Variants in LRCH1 observed in about 807,000 individuals in gnomAD.
The protein encoded by LRCH1 is leucine rich repeats and calponin homology domain containing 1, also known as leucine-rich repeat and calponin homology domain-containing protein 1.
In LRCH1, 23 loss-of-function variants were observed where a neutral mutation model predicts 94.9. The ratio of observed to expected loss-of-function variants is 0.24; its 90% CI spans 0.17 to 0.34. LRCH1 has a LOEUF of 0.34. Ranked by LOEUF, LRCH1 falls within the 10% of genes least tolerant of loss-of-function variation. LRCH1 has a pLI of 1.00. For missense variants in LRCH1, 790 were observed against 945.9 expected (o/e 0.84, Z 2.16); for synonymous variants, 364 against 354.9 (o/e 1.03, Z -0.29).
At position 46,642,042 on chromosome 13, in the gene LRCH1, C is replaced by T. The variant is rs577506679; in HGVS notation, c.308-8159C>T. ...ATAGAGCTGTGGTGGCCCAGCTCCA[C>T]GCTGCAGAGCCAGACCTAGGCTGGG... is the stretch of plus-strand genomic sequence containing the variant. On this transcript the variant is annotated intron_variant, in intron 1 of 19. Transcript: ENST00000389797. Among the ~76,000 whole-genome samples the T allele has an allele frequency of 6.6e-5, 10 of 152,324 alleles. 1 individual carries two copies. In the South Asian group the frequency reaches 2.1e-3, roughly 32 times the overall value.
At chr13:46,650,492 C>A (rs1258527043) in intron 2 of LRCH1, 147 bp downstream of exon 2, 1 of 611,774 alleles carries the variant, frequency 1.6e-6, no homozygotes, top group African/African-American at 1.9e-5. Context: ...AATAACTTTT[C>A]TAATAAATTT....
intron 1 of LRCH1, among the ~76,000 whole-genome samples, chr13:46,615,908 G>C (rs2050802484): frequency 6.6e-6 from 1 of 152,182 alleles, no homozygotes; most frequent in Admixed American, 6.5e-5. Flanking sequence ...ATGTCGTGTA[G>C]GCCCTTGTCC....
chr13:46,702,300 G>A (rs1389222476), intron 11 of LRCH1, among the ~76,000 whole-genome samples: 3 of 152,256 alleles, frequency 2.0e-5, no homozygotes, highest in African/African-American at 4.8e-5. Context: ...CCAGGAGTTC[G>A]AGACCAGCCT....
exon 19 of LRCH1, chr13:46,750,728 C>A (rs539506271): frequency 3.2e-6 from 3 of 940,226 alleles, no homozygotes; most frequent in African/African-American, 1.7e-5. Flanking sequence ...ACCTGTTCAA[C>A]CCTCTCTCCC....
intron 1 of LRCH1, among the ~76,000 whole-genome samples, chr13:46,584,809 C>T (rs998371719): frequency 2.5e-4 from 38 of 152,168 alleles, no homozygotes; most frequent in Admixed American, 2.2e-3. Context: ...CACATGCAAT[C>T]GATTAATAAT....
intron 1 of LRCH1, among the ~76,000 whole-genome samples, chr13:46,588,261 G>A (rs1299601018): frequency 2.0e-5 from 3 of 152,166 alleles, no homozygotes; most frequent in African/African-American, 7.2e-5. Flanking sequence ...ATAGATTATA[G>A]TAGAAAACCC....
At chr13:46,735,204 A>G (rs1044080983) in intron 19 of LRCH1, among the ~76,000 whole-genome samples, 5 of 152,248 alleles carry the variant, frequency 3.3e-5, no homozygotes, top group Admixed American at 2.0e-4. Flanking sequence ...GCTTTCAGCA[A>G]TGTTATAATC....
At chr13:46,749,239 C>T (rs909437784), downstream of LRCH1, among the ~76,000 whole-genome samples, 2 of 152,194 alleles carry the variant, frequency 1.3e-5, no homozygotes, top group Non-Finnish European at 2.9e-5. Flanking sequence ...TTTGCAACAA[C>T]ATGGATGAAC....
At chr13:46,718,406 A>C (rs557988264) in intron 16 of LRCH1, among the ~76,000 whole-genome samples, 25 of 152,330 alleles carry the variant, frequency 1.6e-4, no homozygotes, top group Non-Finnish European at 3.1e-4. Context: ...AGTGGCTCTT[A>C]ACTCTGGTTT....
chr13:46,553,243 ATT>A lies in LRCH1; in HGVS notation c.-153_-152del. On this transcript the variant is annotated 5_prime_UTR_variant, in exon 1 of 20. Transcript: ENST00000389797. ...ACGGCCGCCTCCCCGCCCGCCCCCC[ATT>A]CTACGCGCCTGCCCACACCCTCCTC... 1 of 198,596 alleles carries A rather than the reference ATT, an allele frequency of 5.0e-6. No homozygotes were observed. The highest frequency in any genetic ancestry group is 1.3e-4 in the East Asian group (1 of 7,942). 12.3% of individuals were successfully genotyped at this position (198,596 alleles called of 1,614,324 possible). A position where few individuals can be genotyped will look rare whatever the true frequency, so the allele number is the denominator to read the frequency against.
At chr13:46,618,890 T>A (rs1225101950) in intron 1 of LRCH1, among the ~76,000 whole-genome samples, 1 of 152,306 alleles carries the variant, frequency 6.6e-6, no homozygotes, top group Non-Finnish European at 1.5e-5. Context: ...CAGTTGTGTT[T>A]TCCCCATGTG....
intron 1 of LRCH1, among the ~76,000 whole-genome samples, chr13:46,580,179 TA>T (rs1156550961): frequency 1.2e-4 from 19 of 152,234 alleles, no homozygotes; most frequent in Admixed American, 1.2e-3. Flanking sequence ...GATAATAAGC[TA>T]GCTCTGAGAA....
At chr13:46,573,866 A>ATATATTTTT in intron 1 of LRCH1, among the ~76,000 whole-genome samples, 1 of 63,392 alleles carries the variant, frequency 1.6e-5, no homozygotes, top group African/African-American at 5.2e-5. Flanking sequence ...ATATATATAT[A>ATATATTTTT]TTTTTTTTTT....
At chr13:46,562,113 T>C (rs1311859177) in intron 1 of LRCH1, among the ~76,000 whole-genome samples, 1 of 152,232 alleles carries the variant, frequency 6.6e-6, no homozygotes, top group Admixed American at 6.5e-5. Context: ...ACTTGGTCTC[T>C]GCATTTTTCA....
At chr13:46,729,550 C>CAAAAA (rs61033499) in intron 18 of LRCH1, among the ~76,000 whole-genome samples, 3 of 89,112 alleles carry the variant, frequency 3.4e-5, no homozygotes, top group African/African-American at 4.2e-5. Flanking sequence ...GACCCTGTCT[C>CAAAAA]AAAAAAAAAA....
At chr13:46,704,105 A>G (rs1871628872) in intron 11 of LRCH1, among the ~76,000 whole-genome samples, 1 of 152,126 alleles carries the variant, frequency 6.6e-6, no homozygotes, top group Non-Finnish European at 1.5e-5. Context: ...TTATCCTGAA[A>G]TAACTATTAT....
intron 2 of LRCH1, among the ~76,000 whole-genome samples, chr13:46,651,239 A>G (rs992496665): frequency 7.2e-5 from 11 of 152,252 alleles, no homozygotes; most frequent in African/African-American, 2.7e-4. Context: ...AATAACAGAT[A>G]TACCCAACAT....
intron 1 of LRCH1, among the ~76,000 whole-genome samples, chr13:46,621,565 T>A (rs1320209859): frequency 6.6e-6 from 1 of 152,188 alleles, no homozygotes; most frequent in Admixed American, 6.5e-5. Context: ...AGGCATTAGT[T>A]GGAAAGCTTT....
intron 2 of LRCH1, among the ~76,000 whole-genome samples, chr13:46,654,083 A>G (rs763815049): frequency 2.6e-5 from 4 of 152,240 alleles, no homozygotes; most frequent in African/African-American, 4.8e-5. Context: ...ACATTTGTTT[A>G]CTTCCAAATA....
Sources: allele counts gnomAD v4.1 joint callset (sites outside exome capture counted in the v4.1 genomes callset), GRCh38; gene constraint gnomAD v4.1.1; transcripts MANE v1.5; gene names NCBI Gene and HGNC (gene_info 2026-07-23, HGNC 2026-07-21).